Variants in RUNX1 observed in about 807,000 individuals in gnomAD.
The protein encoded by RUNX1 is RUNX family transcription factor 1.
Under a neutral mutation model 42.8 loss-of-function variants are expected in RUNX1, and 19 were observed. The observed-to-expected ratio is 0.44, with a 90% CI of 0.31 to 0.65. The LOEUF is 0.65. Ranked by LOEUF, RUNX1 falls within the 30% of genes least tolerant of loss-of-function variation. The pLI is 0.07. For synonymous variants in RUNX1, 271 were observed against 289.4 expected (o/e 0.94, Z 0.64); for missense variants, 528 against 672.0 (o/e 0.79, Z 2.37).
chr21:35,036,217 G>A (rs2059306673), intron 2 of RUNX1, among the ~76,000 whole-genome samples: 1 of 152,212 alleles, frequency 6.6e-6, no homozygotes, highest in Non-Finnish European at 1.5e-5. Context: ...TTACTTTCCT[G>A]TTAATTGTAC....
At chr21:35,043,647 T>C (rs924633935) in intron 2 of RUNX1, among the ~76,000 whole-genome samples, 2 of 152,162 alleles carry the variant, frequency 1.3e-5, no homozygotes, top group Admixed American at 1.3e-4. Flanking sequence ...TGCAAGCTTG[T>C]CTAGAATATT....
At chr21:35,045,630 A>G (rs1200850351) in intron 2 of RUNX1, among the ~76,000 whole-genome samples, 2 of 152,094 alleles carry the variant, frequency 1.3e-5, no homozygotes, top group African/African-American at 4.8e-5. Flanking sequence ...CGACACCTTG[A>G]TCTCACACCT....
At chr21:35,018,590 T>C (rs1244131040) in intron 2 of RUNX1, among the ~76,000 whole-genome samples, 1 of 152,238 alleles carries the variant, frequency 6.6e-6, no homozygotes, top group Admixed American at 6.5e-5. Flanking sequence ...TTTGATTTCT[T>C]AGTGTGATCT....
intron 5 of RUNX1, among the ~76,000 whole-genome samples, chr21:34,865,011 G>C (rs1203798230): frequency 6.6e-6 from 1 of 152,128 alleles, no homozygotes; most frequent in African/African-American, 2.4e-5. Context: ...CCTCAGGCAA[G>C]TTACTTGACC....
chr21:34,933,264 A>G (rs1053922096), intron 2 of RUNX1, among the ~76,000 whole-genome samples: 7 of 152,210 alleles, frequency 4.6e-5, no homozygotes, highest in African/African-American at 1.7e-4. Flanking sequence ...TTAGTGCATG[A>G]GTACTGTGAG....
rs758187714 is a variant in RUNX1 at position 34,790,364 on chromosome 21, T to C, written c.*1771A>G. On this transcript the variant is annotated 3_prime_UTR_variant, in exon 9 of 9. Coordinates refer to ENST00000675419, the MANE Select transcript of RUNX1 (RefSeq NM_001754.5). ...TCAAACACTGTTCTGAAGTCCTGCT[T>C]TCAAATACTCTTCAGAGTTGACCTG... The C allele has an allele frequency of 4.3e-6, 1 of 233,716 alleles. No individual in the cohort carries two copies. Among genetic ancestry groups the C allele is most frequent in the Non-Finnish European group, 8.5e-6 (1 of 118,038 alleles). The allele number at this position is 233,716 out of a possible 1,614,324, so 14.5% of individuals were successfully genotyped here.
chr21:34,905,911 T>C (rs2058214293), intron 2 of RUNX1, among the ~76,000 whole-genome samples: 9 of 152,228 alleles, frequency 5.9e-5, no homozygotes, highest in Admixed American at 5.9e-4. Context: ...TCTTTACTGA[T>C]CTTTAAAAAT....
chr21:34,924,062 G>T (rs1041377088), intron 2 of RUNX1, among the ~76,000 whole-genome samples: 3 of 143,248 alleles, frequency 2.1e-5, no homozygotes, highest in African/African-American at 7.5e-5. Flanking sequence ...CAGTTCACAA[G>T]TTGGGGCCTT....
intron 7 of RUNX1, among the ~76,000 whole-genome samples, chr21:34,815,426 A>G (rs1025353806): frequency 3.3e-5 from 5 of 152,222 alleles, no homozygotes; most frequent in Non-Finnish European, 5.9e-5. Flanking sequence ...TGAAGCCAGC[A>G]GGATGGCAGC....
In RUNX1 at chr21:34,985,972, A is replaced by G. The variant is rs1386260579; in HGVS notation, c.58+62870T>C. 3.3e-5 allele frequency among the ~76,000 whole-genome samples: 5 copies of G among 151,462 alleles called. 1 individual carries two copies. Among genetic ancestry groups the G allele is most frequent in the South Asian group, 4.2e-4 (2 of 4,796 alleles). ...CTGCAGCCTCAACCTCCTAGGCTCA[A>G]GAGATACTCCTTGTCTCAGCCTCCA... On this transcript the variant is annotated intron_variant, in intron 2 of 8. Coordinates refer to ENST00000675419, the MANE Select transcript of RUNX1 (RefSeq NM_001754.5).
chr21:34,825,049 A>G (rs2056967433), intron 7 of RUNX1, among the ~76,000 whole-genome samples: 1 of 152,256 alleles, frequency 6.6e-6, no homozygotes, highest in Admixed American at 6.5e-5. Context: ...CCAAATTTGA[A>G]AGACTATCTT....
intron 6 of RUNX1, among the ~76,000 whole-genome samples, chr21:34,855,431 G>A (rs1293653877): frequency 1.3e-5 from 2 of 152,164 alleles, no homozygotes; most frequent in South Asian, 2.1e-4. Flanking sequence ...TCAGCCATTC[G>A]TAGTAGCTCA....
At chr21:35,024,847 T>A (rs1387351287) in intron 2 of RUNX1, among the ~76,000 whole-genome samples, 1 of 152,244 alleles carries the variant, frequency 6.6e-6, no homozygotes, top group Non-Finnish European at 1.5e-5. Flanking sequence ...TGCTTTAGAA[T>A]AGCCTCAATG....
At chr21:34,951,924 A>G (rs2058611245) in intron 2 of RUNX1, among the ~76,000 whole-genome samples, 1 of 152,198 alleles carries the variant, frequency 6.6e-6, no homozygotes, top group African/African-American at 2.4e-5. Flanking sequence ...AGACACATGC[A>G]CACGTATGTT....
chr21:34,954,991 G>A (rs1305139464), intron 2 of RUNX1, among the ~76,000 whole-genome samples: 2 of 152,162 alleles, frequency 1.3e-5, no homozygotes, highest in East Asian at 3.9e-4. Context: ...GGAAAATACA[G>A]CCTTCAGCTT....
rs545088434 is a variant in RUNX1, at chr21:34,913,448, A to T, written c.59-20485T>A. On this transcript the variant is annotated intron_variant, in intron 2 of 8. Coordinates refer to ENST00000675419, the MANE Select transcript of RUNX1 (RefSeq NM_001754.5). ...GAGATGGTGTAGAGACAGAATGGAAACCCCAGGCCAGGAGTGTCAGCTTTG... is the reference window on the plus strand; with the variant it reads ...GAGATGGTGTAGAGACAGAATGGAATCCCCAGGCCAGGAGTGTCAGCTTTG... 2.6e-5 allele frequency among the ~76,000 whole-genome samples: 4 copies of T among 152,000 alleles called. No homozygotes were observed. In the East Asian group the frequency reaches 7.7e-4, roughly 29 times the overall value.
intron 2 of RUNX1, among the ~76,000 whole-genome samples, chr21:35,031,928 T>C (rs1006312974): frequency 1.3e-5 from 2 of 152,244 alleles, no homozygotes; most frequent in East Asian, 3.8e-4. Flanking sequence ...CTAAGGAACA[T>C]TCCTGAATGG....
chr21:34,992,625 C>T (rs898070305), intron 2 of RUNX1, among the ~76,000 whole-genome samples: 1 of 150,946 alleles, frequency 6.6e-6, no homozygotes, highest in African/African-American at 2.4e-5. Context: ...AAAAACTCCC[C>T]TCTCAAAAGA....
intron 7 of RUNX1, among the ~76,000 whole-genome samples, chr21:34,800,496 A>C (rs1255246065): frequency 6.6e-6 from 1 of 152,232 alleles, no homozygotes; most frequent in African/African-American, 2.4e-5. Context: ...CCAGAGCTTC[A>C]TGATCCTGCA....
Sources: allele counts gnomAD v4.1 joint callset (sites outside exome capture counted in the v4.1 genomes callset), GRCh38; gene constraint gnomAD v4.1.1; transcripts MANE v1.5; gene names NCBI Gene and HGNC (gene_info 2026-07-23, HGNC 2026-07-21).